The following TMEM38B variants were observed in gnomAD, a reference collection of about 807,000 sequenced individuals.
The protein encoded by TMEM38B is transmembrane protein 38B.
In TMEM38B, 24 loss-of-function variants were observed where a neutral mutation model predicts 28.7. The observed-to-expected ratio is 0.84, with a 90% CI of 0.61 to 1.18. TMEM38B has a LOEUF of 1.18. Ranked by LOEUF, TMEM38B falls within the 50% of genes most tolerant of loss-of-function variation. The pLI is 0.00. For synonymous variants in TMEM38B, 131 were observed against 127.7 expected (o/e 1.03, Z -0.17); for missense variants, 380 against 350.9 (o/e 1.08, Z -0.66).
chr9:105,744,591 T>A (rs2133611732), intron 4 of TMEM38B, among the ~76,000 whole-genome samples: 1 of 152,128 alleles, frequency 6.6e-6, no homozygotes, highest in African/African-American at 2.4e-5. Flanking sequence ...TTTTTATTTT[T>A]ATTTTTTATT....
At chr9:105,766,982 C>T (rs1826396362) in intron 5 of TMEM38B, among the ~76,000 whole-genome samples, 1 of 147,240 alleles carries the variant, frequency 6.8e-6, no homozygotes, top group Admixed American at 7.1e-5. Flanking sequence ...TGAGTGAGAA[C>T]ATGCGGTGTT....
intron 5 of TMEM38B, chr9:105,758,558 A>G: frequency 8.2e-7 from 1 of 1,214,114 alleles, no homozygotes; most frequent in Non-Finnish European, 1.2e-6. Flanking sequence ...TGTTGAGGAA[A>G]TTTCTTAAGA....
At chr9:105,739,999 C>T (rs370295870) in intron 4 of TMEM38B, among the ~76,000 whole-genome samples, 1 of 152,006 alleles carries the variant, frequency 6.6e-6, no homozygotes, top group Non-Finnish European at 1.5e-5. Flanking sequence ...TCTCCTGCCT[C>T]AGCCTCCCGA....
At chr9:105,759,214 A>T in intron 5 of TMEM38B, 1 of 720,392 alleles carries the variant, frequency 1.4e-6, no homozygotes, top group Non-Finnish European at 2.5e-6. Flanking sequence ...GAATATTATG[A>T]ATTATTTGTG....
At chr9:105,740,260 GTTTT>G (rs35669330) in intron 4 of TMEM38B, among the ~76,000 whole-genome samples, 2 of 111,418 alleles carry the variant, frequency 1.8e-5, no homozygotes, top group Non-Finnish European at 1.9e-5. Context: ...ATTCCTAGGT[GTTTT>G]TTTTTTTTTT....
At chr9:105,708,984 C>T (rs910402965) in intron 2 of TMEM38B, among the ~76,000 whole-genome samples, 12 of 148,824 alleles carry the variant, frequency 8.1e-5, no homozygotes, top group South Asian at 2.1e-4. Flanking sequence ...ATGTTTCCCA[C>T]GTTGGCTATT....
chr9:105,764,607 T>C (rs1477833554), intron 5 of TMEM38B, among the ~76,000 whole-genome samples: 3 of 151,732 alleles, frequency 2.0e-5, no homozygotes, highest in Non-Finnish European at 4.4e-5. Flanking sequence ...GGAAGAACAT[T>C]CCATGCTCAT....
At position 105,748,182 on chromosome 9, in the gene TMEM38B, G is replaced by A. The variant is rs780912237; in HGVS notation, c.652G>A (p.Ala218Thr). 1.2e-6 allele frequency: 2 copies of A among 1,605,302 alleles called. No individual in the cohort carries two copies. Among genetic ancestry groups the A allele is most frequent in the African/African-American group, 2.7e-5 (2 of 74,656 alleles). The change falls in exon 5 of 6, where the codon GCC (alanine) becomes ACC (threonine). Residue 218 changes from alanine to threonine, a missense_variant. Ala to Thr is a moderately conservative substitution (Grantham distance 58). Coordinates refer to ENST00000374692, the MANE Select transcript of TMEM38B (RefSeq NM_018112.3). ...GTTCCTTTATACCATCTTTATTGTGGCCACAAAGGTAAGAATTCAAAGTAC... is the reference window on the plus strand; with the variant it reads ...GTTCCTTTATACCATCTTTATTGTGACCACAAAGGTAAGAATTCAAAGTAC... Reference protein sequence around the residue: ...LMFLYTIFIVATKITMMTTQT... With the variant: ...LMFLYTIFIVTTKITMMTTQT...
chr9:105,713,728 C>T (rs1331359444), intron 2 of TMEM38B, among the ~76,000 whole-genome samples: 2 of 152,188 alleles, frequency 1.3e-5, no homozygotes, highest in Non-Finnish European at 2.9e-5. Context: ...AGCTGGGCTG[C>T]CAGTCCTGCC....
intron 4 of TMEM38B, among the ~76,000 whole-genome samples, chr9:105,731,140 C>T (rs1836726518): frequency 6.6e-6 from 1 of 151,888 alleles, no homozygotes; most frequent in Non-Finnish European, 1.5e-5. Context: ...TTCTCTAATT[C>T]TTTTAATTGT....
intron 5 of TMEM38B, among the ~76,000 whole-genome samples, chr9:105,754,477 C>T (rs1837765523): frequency 1.3e-5 from 2 of 152,194 alleles, no homozygotes; most frequent in South Asian, 4.1e-4. Context: ...AATAAATGCA[C>T]TCAAAACCAG....
At position 105,774,633 on chromosome 9, in the gene TMEM38B, T is replaced by C. The variant is rs1826668890; in HGVS notation, c.*553T>C. On this transcript the variant is annotated 3_prime_UTR_variant, in exon 6 of 6. Transcript: ENST00000374692. ...TATTTTAGATATAAACATCATATTT[T>C]TTATTAATACCTACATCAAATGGAA... The C allele has an allele frequency of 6.6e-6, 1 of 152,002 alleles. No individual in the cohort carries two copies. The allele number at this position is 152,002 out of a possible 1,614,324, so 9.4% of individuals were successfully genotyped here. A position where few individuals can be genotyped will look rare whatever the true frequency, so the allele number is the denominator to read the frequency against.
chr9:105,731,577 A>G (rs1246561996), intron 4 of TMEM38B, among the ~76,000 whole-genome samples: 1 of 151,840 alleles, frequency 6.6e-6, no homozygotes, highest in Non-Finnish European at 1.5e-5. Flanking sequence ...TGTCCTTGTG[A>G]TAGTTTGCTC....
chr9:105,709,260 T>C (rs111357190), intron 2 of TMEM38B, among the ~76,000 whole-genome samples: 201 of 152,290 alleles, frequency 1.3e-3, no homozygotes, highest in African/African-American at 4.6e-3. Context: ...AACAATTTAA[T>C]ATAACTCCAG....
At chr9:105,739,126 A>G (rs1340218410) in intron 4 of TMEM38B, among the ~76,000 whole-genome samples, 2 of 152,086 alleles carry the variant, frequency 1.3e-5, no homozygotes, top group Non-Finnish European at 2.9e-5. Context: ...TTCCCACTGA[A>G]TAGACTTGGT....
chr9:105,738,715 CTTT>C (rs71489351), intron 4 of TMEM38B, among the ~76,000 whole-genome samples: 4 of 109,676 alleles, frequency 3.6e-5, no homozygotes, highest in African/African-American at 8.2e-5. Flanking sequence ...TAATTTTTTC[CTTT>C]TTTTTTTTTT....
intron 1 of TMEM38B, 110 bp from the exon 2 acceptor site, chr9:105,705,487 G>T: frequency 1.8e-6 from 2 of 1,105,904 alleles, no homozygotes; most frequent in Non-Finnish European, 2.5e-6. Flanking sequence ...AATAATAGTT[G>T]TTGAAAATTA....
At chr9:105,742,927 A>G (rs1022460732) in intron 4 of TMEM38B, among the ~76,000 whole-genome samples, 11 of 152,306 alleles carry the variant, frequency 7.2e-5, no homozygotes, top group African/African-American at 2.6e-4. Context: ...GGAATGTTGT[A>G]AAACTTTTTT....
In TMEM38B at chr9:105,722,639, A is replaced by T. The variant is rs770049791; in HGVS notation, c.542+18A>T. Reference sequence around the variant, plus strand: ...ATGTCATAGTAAGTTGGTATAAATTATACTGAGACCTAGATGTTTATCCTT... The same window carrying T: ...ATGTCATAGTAAGTTGGTATAAATTTTACTGAGACCTAGATGTTTATCCTT... On this transcript the variant is annotated intron_variant, in intron 4 of 5. Transcript: ENST00000374692. 1.3e-5 allele frequency: 21 copies of T among 1,590,116 alleles called. No homozygotes were observed. The highest frequency in any genetic ancestry group is 1.8e-5 in the Non-Finnish European group (21 of 1,158,664).
Sources: allele counts gnomAD v4.1 joint callset (sites outside exome capture counted in the v4.1 genomes callset), GRCh38; gene constraint gnomAD v4.1.1; transcripts MANE v1.5; gene names NCBI Gene and HGNC (gene_info 2026-07-23, HGNC 2026-07-21).